VWF: variants seen among roughly 807,000 people sequenced by gnomAD.
The protein encoded by VWF is Factor VIII related antigen.
A neutral mutation model predicts 308.6 loss-of-function variants in VWF; 176 were observed. That is an observed-to-expected ratio of 0.57 (90% CI 0.50 to 0.65). VWF has a LOEUF of 0.65. Ranked by LOEUF, VWF falls within the 30% of genes least tolerant of loss-of-function variation. The pLI is 0.00. For synonymous variants in VWF, 1,385 were observed against 1,443.4 expected, an observed-to-expected ratio of 0.96 and a Z score of 0.92; for missense variants, 3,146 against 3,648.2, an observed-to-expected ratio of 0.86 and a Z score of 3.55.
chr12:6,013,848 C>T (rs137947620), intron 31 of VWF, among the ~76,000 whole-genome samples: 8,470 of 152,134 alleles, frequency 0.056, 720 homozygotes, highest in African/African-American at 0.19. Context: ...AATAGGGGTA[C>T]AGCAGTGAAC....
intron 47 of VWF, among the ~76,000 whole-genome samples, chr12:5,964,270 A>ACATGCATACATACATACATACATG (rs1943369077): frequency 7.2e-6 from 1 of 139,066 alleles, no homozygotes; most frequent in African/African-American, 3.1e-5. Context: ...ATACATACAT[A>ACATGCATACATACATACATACATG]CATGCATACA....
chr12:6,005,007 A>C (rs1267601936), intron 34 of VWF, among the ~76,000 whole-genome samples: 1 of 152,182 alleles, frequency 6.6e-6, no homozygotes, highest in Non-Finnish European at 1.5e-5. Context: ...TTAATGTATA[A>C]ATTTAATGCA....
intron 20 of VWF, among the ~76,000 whole-genome samples, chr12:6,032,965 T>C (rs1246467681): frequency 1.3e-5 from 2 of 149,586 alleles, no homozygotes; most frequent in African/African-American, 4.9e-5. Context: ...CATGTACTCA[T>C]ACACAGTCAC....
chr12:5,997,436 G>A (rs144205983), intron 34 of VWF, among the ~76,000 whole-genome samples: 3 of 152,308 alleles, frequency 2.0e-5, no homozygotes, highest in Admixed American at 1.3e-4. Context: ...AAGATGAACT[G>A]TGACTGTGTA....
intron 42 of VWF, among the ~76,000 whole-genome samples, chr12:5,979,532 A>G (rs1943570562): frequency 6.6e-6 from 1 of 152,012 alleles, no homozygotes; most frequent in Non-Finnish European, 1.5e-5. Flanking sequence ...CGGGTGGATC[A>G]CAAGGTCAAG....
intron 44 of VWF, 133 bp downstream of exon 44, chr12:5,971,466 A>G (rs1943473302): frequency 1.5e-5 from 11 of 748,790 alleles, no homozygotes; most frequent in Non-Finnish European, 2.1e-5. Context: ...TGGCATCTGG[A>G]TAACACCAAC....
chr12:6,018,694 C>T lies in VWF; in HGVS notation c.4724G>A (p.Arg1575Lys), dbSNP rs1407490710. The change falls in exon 28 of 52, where the codon AGG becomes AAG. Residue 1575 changes from arginine (R) to lysine (K), a missense_variant. Coordinates refer to ENST00000261405, the MANE Select transcript of VWF (RefSeq NM_000552.5). ...CCGCAGGGCCAGCCCAGTGTTGGTC[C>T]TGTTGCCGCCCTGGTAGCGGATCTC... ...VREIRYQGGN[R>K]TNTGLALRYL... 8.7e-6 allele frequency: 14 copies of T among 1,613,696 alleles called. No homozygotes were observed. Among genetic ancestry groups the T allele is most frequent in the Non-Finnish European group, 1.2e-5 (14 of 1,179,886 alleles).
intron 45 of VWF, 21 bp downstream of exon 45, chr12:5,969,190 G>T (rs1262949653): frequency 1.2e-6 from 2 of 1,603,946 alleles, no homozygotes; most frequent in Non-Finnish European, 1.7e-6. Flanking sequence ...GTCCAGCCCA[G>T]CCCCAGCCTG....
Position 6,109,524 on chromosome 12 carries a change from A to G in VWF, c.532+850T>C, listed in dbSNP as rs144434845. ...TTGTTTCTCTGCATGTTTACTCTCT[A>G]ATCAGAAAGTGGTTGGGTCATAAGG... is the stretch of plus-strand genomic sequence containing the variant. On this transcript the variant is annotated intron_variant, in intron 5 of 51. Transcript: ENST00000261405. 6.2e-3 allele frequency among the ~76,000 whole-genome samples: 941 copies of G among 152,332 alleles called. 13 individuals carry two copies. The highest frequency in any genetic ancestry group is 0.022 in the African/African-American group (900 of 41,592).
chr12:6,035,985 T>C (rs964588020), intron 19 of VWF, among the ~76,000 whole-genome samples: 7 of 152,260 alleles, frequency 4.6e-5, no homozygotes, highest in African/African-American at 1.7e-4. Flanking sequence ...ATATTTAAAA[T>C]GTTGTATAAA....
In VWF at chr12:6,057,034, G is replaced by A; in HGVS notation, c.1768C>T (p.Pro590Ser). 6.5e-7 allele frequency: 1 copy of A among 1,548,412 alleles called. No homozygotes were observed. Among genetic ancestry groups the A allele is most frequent in the Non-Finnish European group, 8.7e-7 (1 of 1,152,764 alleles). The change falls in exon 15 of 52, where the codon CCC becomes TCC. Residue 590 changes from proline to serine, a missense_variant. Coordinates refer to ENST00000261405, the MANE Select transcript of VWF (RefSeq NM_000552.5). ...GCACGATGGCAGGCCTCGAATGTGG[G>A]GGACGTCAGGACCGCGCACGCCTCC... ...SEEACAVLTSPTFEACHRAVS... is the reference protein window; with the variant it reads ...SEEACAVLTSSTFEACHRAVS...
In VWF at chr12:6,036,399, G is replaced by A. The variant is rs992098333; in HGVS notation, c.2535C>T (p.Gly845=). The change falls in exon 19 of 52, where the codon GGC becomes GGT. Residue 845 remains glycine, a synonymous_variant. Coordinates refer to ENST00000261405, the MANE Select transcript of VWF (RefSeq NM_000552.5). ...EYAPGETVKI[G]CNTCVCQDRK... Reference sequence around the variant, plus strand: ...TCACTGAGCCTCACCAAGTGTTGCAGCCAATCTTCACTGTTTCTCCAGGGG... The same window carrying A: ...TCACTGAGCCTCACCAAGTGTTGCAACCAATCTTCACTGTTTCTCCAGGGG... 2 of 1,614,206 alleles carry A rather than the reference G, an allele frequency of 1.2e-6. No homozygotes were observed. The highest frequency in any genetic ancestry group is 1.7e-6 in the Non-Finnish European group (2 of 1,180,014).
intron 38 of VWF, among the ~76,000 whole-genome samples, chr12:5,990,737 G>A (rs183966631): frequency 1.3e-5 from 2 of 151,948 alleles, no homozygotes; most frequent in Admixed American, 6.6e-5. Flanking sequence ...CATGTGCACA[G>A]ACACACACTG....
intron 34 of VWF, among the ~76,000 whole-genome samples, chr12:6,008,598 C>G (rs1036559010): frequency 6.6e-6 from 1 of 152,146 alleles, no homozygotes; most frequent in African/African-American, 2.4e-5. Flanking sequence ...AGCTTTTCCT[C>G]TAATCAGGAA....
At chr12:6,059,846 G>C (rs1216261723) in intron 13 of VWF, among the ~76,000 whole-genome samples, 1 of 152,228 alleles carries the variant, frequency 6.6e-6, no homozygotes, top group Admixed American at 6.5e-5. Context: ...GAATGACTAG[G>C]TTCTCCTCCT....
intron 34 of VWF, among the ~76,000 whole-genome samples, chr12:6,002,593 T>G (rs1251493892): frequency 1.3e-5 from 2 of 152,018 alleles, no homozygotes; most frequent in African/African-American, 4.8e-5. Flanking sequence ...TTAACTCCTG[T>G]AGATAAAAGA....
chr12:6,046,966 T>G lies in VWF; in HGVS notation c.2187-149A>C, dbSNP rs556606701. The G allele has an allele frequency of 2.8e-4, 204 of 726,728 alleles. 1 individual carries two copies. In the African/African-American group the frequency reaches 3.4e-3, roughly 12 times the overall value. 45.0% of individuals were successfully genotyped at this position (726,728 alleles called of 1,614,324 possible). On this transcript the variant is annotated intron_variant, in intron 16 of 51. Transcript: ENST00000261405. This position sits in a 1 kb window ranked among gnomAD's most constrained non-coding sequence, Gnocchi z 5.0. ...AAGCACAGCTTGCTAACGTTACCAA[T>G]GGATGATCCCCACGTCACTAAATCC...
At position 6,083,554 on chromosome 12, in the gene VWF, G is replaced by A. The variant is rs539418000; in HGVS notation, c.658-8003C>T. ...CACTCCAGCCTGGGCAAGAGAGCGA[G>A]ACTCCGTCGCAAAAAACAAAAAAGA... On this transcript the variant is annotated intron_variant, in intron 6 of 51. Transcript: ENST00000261405. Among the ~76,000 whole-genome samples the A allele has an allele frequency of 2.4e-4, 36 of 152,300 alleles. 1 individual carries two copies. In the South Asian group the frequency reaches 6.6e-3, roughly 28 times the overall value.
chr12:5,956,225 A>C (rs2136342665), intron 47 of VWF, among the ~76,000 whole-genome samples: 1 of 152,322 alleles, frequency 6.6e-6, no homozygotes, highest in East Asian at 1.9e-4. Flanking sequence ...CTTGATGATA[A>C]TGTATGTTAC....
Sources: allele counts gnomAD v4.1 joint callset (sites outside exome capture counted in the v4.1 genomes callset), GRCh38; gene constraint gnomAD v4.1.1; non-coding constraint Gnocchi (gnomAD v3.1); transcripts MANE v1.5; gene names NCBI Gene and HGNC (gene_info 2026-07-23, HGNC 2026-07-21).